GATAD2A: variants seen among roughly 807,000 people sequenced by gnomAD.
GATAD2A encodes transcriptional repressor p66-alpha.
Under a neutral mutation model 68.5 loss-of-function variants are expected in GATAD2A, and 12 were observed. That is an observed-to-expected ratio of 0.18 (90% CI 0.11 to 0.28). The LOEUF (loss-of-function observed/expected upper bound fraction) is 0.28, where lower values mean the gene tolerates loss of function less well. GATAD2A is among the 10% of genes least tolerant of loss of function. The probability of loss-of-function intolerance (pLI) is 1.00; values close to 1 mark genes in which losing one functional copy is unlikely to be tolerated. For missense variants in GATAD2A, 755 were observed against 868.5 expected, an observed-to-expected ratio of 0.87 and a Z score of 1.64; for synonymous variants, 410 against 375.3, an observed-to-expected ratio of 1.09 and a Z score of -1.07.
chr19:19,431,512 G>T (rs760617000), intron 1 of GATAD2A, among the ~76,000 whole-genome samples: 3 of 151,336 alleles, frequency 2.0e-5, no homozygotes, highest in Non-Finnish European at 4.4e-5. Context: ...TGGCCAGTAT[G>T]GTGAAACCCC....
chr19:19,476,092 A>C (rs968973070), intron 2 of GATAD2A, among the ~76,000 whole-genome samples: 4 of 152,050 alleles, frequency 2.6e-5, no homozygotes, highest in African/African-American at 9.7e-5. Context: ...CGGATCCCTA[A>C]CTTTGAAATG....
At chr19:19,455,050 G>A (rs533432540) in intron 1 of GATAD2A, among the ~76,000 whole-genome samples, 137 of 152,256 alleles carry the variant, frequency 9.0e-4, no homozygotes, top group Non-Finnish European at 1.5e-3. Context: ...TCTACCAACC[G>A]TGGATTGAAA....
At chr19:19,388,384 C>T (rs1351044190) in intron 1 of GATAD2A, among the ~76,000 whole-genome samples, 1 of 152,130 alleles carries the variant, frequency 6.6e-6, no homozygotes. Context: ...GTCTGTGGCA[C>T]CCACTTTCCC....
intron 1 of GATAD2A, among the ~76,000 whole-genome samples, chr19:19,439,494 T>G (rs2054741780): frequency 6.6e-6 from 1 of 151,972 alleles, no homozygotes; most frequent in Non-Finnish European, 1.5e-5. Flanking sequence ...AGTCAGGTAG[T>G]GCCGTGGTAG....
intron 2 of GATAD2A, among the ~76,000 whole-genome samples, chr19:19,468,479 A>G (rs779149943): frequency 5.9e-5 from 9 of 152,248 alleles, no homozygotes; most frequent in African/African-American, 1.2e-4. Flanking sequence ...CCTAAATAGC[A>G]TAAGTACAAA....
At chr19:19,488,678 C>T (rs530545422) in intron 2 of GATAD2A, among the ~76,000 whole-genome samples, 1 of 152,344 alleles carries the variant, frequency 6.6e-6, no homozygotes, top group East Asian at 1.9e-4. Context: ...AGGTCAGGGC[C>T]AGTGCCAGCG....
At chr19:19,391,339 CCTTT>C (rs1021464573) in intron 1 of GATAD2A, among the ~76,000 whole-genome samples, 3 of 152,266 alleles carry the variant, frequency 2.0e-5, no homozygotes, top group African/African-American at 7.2e-5. Context: ...CTCCTTCCCT[CCTTT>C]CTTTCTCTCT....
At chr19:19,417,336 C>G (rs1423295583) in intron 1 of GATAD2A, among the ~76,000 whole-genome samples, 1 of 152,208 alleles carries the variant, frequency 6.6e-6, no homozygotes, top group Non-Finnish European at 1.5e-5. Flanking sequence ...ACTCCAGTGT[C>G]TTCCACACTT....
intron 1 of GATAD2A, among the ~76,000 whole-genome samples, chr19:19,411,873 A>G (rs533110868): frequency 2.0e-4 from 30 of 152,316 alleles, no homozygotes; most frequent in African/African-American, 7.0e-4. Flanking sequence ...CATATAATGT[A>G]ACACTCAGAT....
At position 19,495,895 on chromosome 19, in the gene GATAD2A, G is replaced by T; in HGVS notation, c.756+10G>T. 1 of 1,609,240 alleles carries T rather than the reference G, an allele frequency of 6.2e-7. No homozygotes were observed. Among genetic ancestry groups the T allele is most frequent in the Non-Finnish European group, 8.5e-7 (1 of 1,176,818 alleles). On this transcript the variant is annotated intron_variant, in intron 6 of 11. Transcript: ENST00000683918. ...CGTCAGGGGGGCTCAGGTAAGCAGGGCTGTGCACATGGGGGAGACCTGGCA... is the reference window on the plus strand; with the variant it reads ...CGTCAGGGGGGCTCAGGTAAGCAGGTCTGTGCACATGGGGGAGACCTGGCA...
chr19:19,402,850 T>G (rs1342859146), upstream of GATAD2A, among the ~76,000 whole-genome samples: 1 of 149,240 alleles, frequency 6.7e-6, no homozygotes, highest in Non-Finnish European at 1.5e-5. Context: ...CTTGGCTCAC[T>G]GCAACCTCCG....
intron 1 of GATAD2A, among the ~76,000 whole-genome samples, chr19:19,409,479 A>G (rs530198862): frequency 1.3e-5 from 2 of 152,236 alleles, no homozygotes; most frequent in South Asian, 2.1e-4. Context: ...ATACAGAACT[A>G]TGCTGCCTGC....
At position 19,498,556 on chromosome 19, in the gene GATAD2A, G is replaced by A. The variant is rs755325816; in HGVS notation, c.1038G>A (p.Ala346=). Residue 346 remains alanine (A), a synonymous_variant, in exon 8 of 12, where the codon GCG becomes GCA. Coordinates refer to ENST00000683918, the MANE Select transcript of GATAD2A (RefSeq NM_001384528.1). The part of the protein sequence containing the change: ...TSAESPASRQ[A]AAKLALRKQL... ...CCGAGTCTCCAGCAAGCCGACAGGC[G>A]GCCGCCAAGCTGGCGCTGCGCAAAC... is the stretch of plus-strand genomic sequence containing the variant. 2.0e-5 allele frequency: 33 copies of A among 1,613,798 alleles called. No individual in the cohort carries two copies. Among genetic ancestry groups the A allele is most frequent in the South Asian group, 9.9e-5 (9 of 91,092 alleles).
At chr19:19,501,921 CCGGCCA>C in intron 9 of GATAD2A, 42 bp from the exon 10 acceptor site, 2 of 1,469,206 alleles carry the variant, frequency 1.4e-6, no homozygotes, top group Non-Finnish European at 1.9e-6. Flanking sequence ...TCACCCTGGG[CCGGCCA>C]GCGGACCGCA....
chr19:19,445,889 AT>A (rs971226774), intron 1 of GATAD2A, among the ~76,000 whole-genome samples: 3 of 150,942 alleles, frequency 2.0e-5, no homozygotes, highest in African/African-American at 7.3e-5. Flanking sequence ...TCACCTGCAC[AT>A]TTTTTTTTGA....
Position 19,502,428 on chromosome 19 carries a change from C to T in GATAD2A, c.1676C>T (p.Thr559Ile), listed in dbSNP as rs2060596760. ...AAACTGCAGAACTCAGCCTCGGCCA[C>T]AGCCCTGGTCAGCAGGACCGGCAGA... ...SPKLQNSASA[T>I]ALVSRTGRHS... The change falls in exon 11 of 12, where the codon ACA becomes ATA. Residue 559 changes from threonine (T) to isoleucine (I), a missense_variant. Transcript: ENST00000683918. 1 of 1,613,710 alleles carries T rather than the reference C, an allele frequency of 6.2e-7. No individual in the cohort carries two copies. The highest frequency in any genetic ancestry group is 8.5e-7 in the Non-Finnish European group (1 of 1,179,934).
At chr19:19,411,813 C>A (rs1336584910) in intron 1 of GATAD2A, among the ~76,000 whole-genome samples, 1 of 152,196 alleles carries the variant, frequency 6.6e-6, no homozygotes, top group South Asian at 2.1e-4. Flanking sequence ...TTTCTCCCCC[C>A]AGATGTCAAC....
At chr19:19,450,750 A>G in intron 1 of GATAD2A, among the ~76,000 whole-genome samples, 1 of 151,210 alleles carries the variant, frequency 6.6e-6, no homozygotes, top group African/African-American at 2.4e-5. Flanking sequence ...CATTAAAAAA[A>G]AAAAAAAAAA....
intron 1 of GATAD2A, among the ~76,000 whole-genome samples, chr19:19,459,349 G>GT (rs1465061941): frequency 4.6e-5 from 7 of 150,932 alleles, no homozygotes; most frequent in Admixed American, 4.0e-4. Flanking sequence ...GTTACTTTCA[G>GT]TTTTTTCCCT....
Sources: gnomAD v4.1 joint callset for allele counts (sites outside exome capture counted in the v4.1 genomes callset) on GRCh38, gnomAD v4.1.1 for gene constraint, MANE v1.5 for transcripts, NCBI Gene and HGNC (gene_info 2026-07-23, HGNC 2026-07-21) for gene names.